Variants in PI4KA observed in about 807,000 individuals in gnomAD.
PI4KA encodes the protein PI4-kinase alpha.
Under a neutral mutation model 271.4 loss-of-function variants are expected in PI4KA, and 122 were observed. That is an observed-to-expected ratio of 0.45 (90% confidence interval 0.39 to 0.52). PI4KA has a LOEUF of 0.52. PI4KA is among the 20% of genes least tolerant of loss of function. PI4KA has a pLI of 0.00. For synonymous variants in PI4KA, 1,041 were observed against 1,078.8 expected (o/e 0.96, Z 0.69); for missense variants, 1,969 against 2,769.1 (o/e 0.71, Z 6.48).
intron 19 of PI4KA, among the ~76,000 whole-genome samples, chr22:20,772,112 ATAAAT>A (rs1013233260): frequency 3.9e-5 from 6 of 152,254 alleles, no homozygotes; most frequent in African/African-American, 1.4e-4. Context: ...AATTAATGAG[ATAAAT>A]TAATGTATCT....
chr22:20,775,069 T>C (rs1933157240), intron 19 of PI4KA, among the ~76,000 whole-genome samples: 1 of 152,204 alleles, frequency 6.6e-6, no homozygotes, highest in Admixed American at 6.5e-5. Context: ...CTGCCTGCTC[T>C]GTTGGGCCTG....
intron 19 of PI4KA, chr22:20,783,929 A>C (rs1219728189): frequency 4.3e-6 from 7 of 1,613,718 alleles, no homozygotes; most frequent in Middle Eastern, 1.7e-4. Context: ...CGATTTCCCT[A>C]AAGGAACCTT....
Position 20,803,933 on chromosome 22 carries a change from G to A in PI4KA, c.1461+367C>T, listed in dbSNP as rs900655196. Among the ~76,000 whole-genome samples, 11 of 152,248 alleles carry A rather than the reference G, an allele frequency of 7.2e-5. No homozygotes were observed. The East Asian group carries it at 1.9e-3, about 27-fold the overall frequency. On this transcript the variant is annotated intron_variant, in intron 12 of 54. Transcript: ENST00000255882. ...TGTGGAGTCAGTGGGATTGTGACAA[G>A]GTTAAGAGTCTCGGCAGAGCAGAGC... is the stretch of plus-strand genomic sequence containing the variant.
intron 53 of PI4KA, 115 bp from the exon 54 acceptor site, chr22:20,709,494 A>G (rs1924968160): frequency 6.7e-6 from 5 of 746,762 alleles, no homozygotes; most frequent in Non-Finnish European, 1.2e-5. Flanking sequence ...CGCCCTGGAA[A>G]TGTACCTTTG....
chr22:20,765,734 T>C (rs1294317209), intron 19 of PI4KA, 41 bp from the exon 20 acceptor site: 1 of 1,340,458 alleles, frequency 7.5e-7, no homozygotes, highest in South Asian at 1.2e-5. Context: ...GGTTATTTGC[T>C]GAGGAAACCC....
chr22:20,844,209 A>T (rs561553126), intron 1 of PI4KA, among the ~76,000 whole-genome samples: 1 of 152,310 alleles, frequency 6.6e-6, no homozygotes, highest in African/African-American at 2.4e-5. Flanking sequence ...TGACCTCCTC[A>T]TCACTCCACT....
At chr22:20,799,883 C>A in intron 14 of PI4KA, 117 bp from the exon 15 acceptor site, 1 of 628,354 alleles carries the variant, frequency 1.6e-6, no homozygotes, top group Non-Finnish European at 2.7e-6. Flanking sequence ...GAATTTTCTT[C>A]CCCCCAAATT....
Position 20,761,694 on chromosome 22 carries a change from C to G in PI4KA, c.2709-308G>C, listed in dbSNP as rs540589795. 6.6e-5 allele frequency among the ~76,000 whole-genome samples: 10 copies of G among 152,058 alleles called. 1 individual carries two copies. The highest frequency in any genetic ancestry group is 2.4e-4 in the African/African-American group (10 of 41,304). ...GAATGCTCACCAACAGGAGACTGGGCAGATAAGCCAAAGCATACCCATTCG... is the reference window on the plus strand; with the variant it reads ...GAATGCTCACCAACAGGAGACTGGGGAGATAAGCCAAAGCATACCCATTCG... On this transcript the variant is annotated intron_variant, in intron 22 of 54. Coordinates refer to ENST00000255882, the MANE Select transcript of PI4KA (RefSeq NM_058004.4).
intron 22 of PI4KA, among the ~76,000 whole-genome samples, chr22:20,763,026 G>GGGGGGGT (rs1932153444): frequency 2.9e-5 from 2 of 68,492 alleles, no homozygotes; most frequent in Non-Finnish European, 5.0e-5. Flanking sequence ...TTGGGGGGGG[G>GGGGGGGT]GGGGGTTAGA....
chr22:20,718,236 C>T (rs543275380), intron 44 of PI4KA, among the ~76,000 whole-genome samples: 2 of 152,306 alleles, frequency 1.3e-5, no homozygotes, highest in Admixed American at 1.3e-4. Context: ...GGGTTTCATC[C>T]CTTATGAATG....
Position 20,718,787 on chromosome 22 carries a change from C to T in PI4KA, c.5152G>A (p.Glu1718Lys). Residue 1718 changes from glutamate to lysine, a missense_variant, in exon 44 of 55, where the codon GAG (glutamate) becomes AAG (lysine). Transcript: ENST00000255882. ...GGGCCGGACAAGGAGCCTGTGATCT[C>T]CTCTACCAACTGATCCAGGAGGTCG... The part of the protein sequence containing the change: ...IGDLLDQLVE[E>K]ITGSLSGPAK... 1.2e-6 allele frequency: 2 copies of T among 1,614,022 alleles called. No homozygotes were observed. The highest frequency in any genetic ancestry group is 1.7e-6 in the Non-Finnish European group (2 of 1,179,950).
At position 20,733,095 on chromosome 22, in the gene PI4KA, A is replaced by T; in HGVS notation, c.4164T>A (p.Cys1388Ter). ...IYSTAFDYFS[C>*]PPKFPTQGEK... ...CTCCTTGAGTAGGGAACTTTGGGGG[A>T]CAGCTTCAAACAACCATAAGAGGAC... is the stretch of plus-strand genomic sequence containing the variant. The change falls in exon 36 of 55, where the codon TGT becomes TGA. Residue 1388 changes from cysteine (C) to a stop codon, truncating the protein, a stop_gained. Coordinates refer to ENST00000255882, the MANE Select transcript of PI4KA (RefSeq NM_058004.4). LOFTEE classifies it high-confidence loss of function. 6.2e-7 allele frequency: 1 copy of T among 1,611,920 alleles called. No homozygotes were observed. Among genetic ancestry groups the T allele is most frequent in the Non-Finnish European group, 8.5e-7 (1 of 1,179,814 alleles).
At chr22:20,786,089 C>T (rs777651042) in intron 19 of PI4KA, 14 of 1,614,106 alleles carry the variant, frequency 8.7e-6, no homozygotes, top group Non-Finnish European at 1.1e-5. Context: ...GATCAGGATG[C>T]TGTTTGACAA....
At chr22:20,760,313 T>C (rs4820588) in intron 23 of PI4KA, among the ~76,000 whole-genome samples, 32 of 151,938 alleles carry the variant, frequency 2.1e-4, no homozygotes, top group African/African-American at 7.5e-4. Flanking sequence ...AAAACTTAGG[T>C]CTAACATTTC....
At chr22:20,798,159 C>A (rs144897687) in intron 17 of PI4KA, among the ~76,000 whole-genome samples, 59 of 152,316 alleles carry the variant, frequency 3.9e-4, no homozygotes, top group African/African-American at 1.3e-3. Context: ...GTTAGGCTGT[C>A]AATGCTGCAT....
At position 20,714,077 on chromosome 22, in the gene PI4KA, G is replaced by A. The variant is rs572612065; in HGVS notation, c.5461+381C>T. ...TGGCAACACCACCAGAAGCTGAGGAGGCAAGGTGTGACCTGCCCAGAGCCT... is the reference window on the plus strand; with the variant it reads ...TGGCAACACCACCAGAAGCTGAGGAAGCAAGGTGTGACCTGCCCAGAGCCT... On this transcript the variant is annotated intron_variant, in intron 47 of 54. Coordinates refer to ENST00000255882, the MANE Select transcript of PI4KA (RefSeq NM_058004.4). Among the ~76,000 whole-genome samples the A allele has an allele frequency of 2.6e-5, 4 of 152,320 alleles. No individual in the cohort carries two copies. The South Asian group carries it at 8.3e-4, about 32-fold the overall frequency.
chr22:20,730,696 G>A (rs564680215), intron 36 of PI4KA, among the ~76,000 whole-genome samples: 98 of 151,796 alleles, frequency 6.5e-4, no homozygotes, highest in Middle Eastern at 3.4e-3. Context: ...TCAGCCTCCC[G>A]AATAGCTGGA....
At position 20,744,694 on chromosome 22, in the gene PI4KA, G is replaced by A. The variant is rs1447692250; in HGVS notation, c.3390C>T (p.Ala1130=). The part of the protein sequence containing the change: ...LGATQLSERP[A]CVKKDYSNFM... ...AGTTGGAGTAGTCTTTCTTCACACA[G>A]GCCGGGCGCTCGCTCAGCTGAGTTG... Residue 1130 remains alanine, a synonymous_variant, in exon 30 of 55, where the codon GCC becomes GCT. Coordinates refer to ENST00000255882, the MANE Select transcript of PI4KA (RefSeq NM_058004.4). 6.2e-7 allele frequency: 1 copy of A among 1,614,176 alleles called. No individual in the cohort carries two copies. Among genetic ancestry groups the A allele is most frequent in the South Asian group, 1.1e-5 (1 of 91,082 alleles).
intron 3 of PI4KA, among the ~76,000 whole-genome samples, chr22:20,830,686 G>C (rs1278152579): frequency 6.6e-6 from 1 of 152,110 alleles, no homozygotes; most frequent in East Asian, 1.9e-4. Context: ...TCACCATATT[G>C]TTAGCTGGTT....
Sources: allele counts gnomAD v4.1 joint callset (sites outside exome capture counted in the v4.1 genomes callset), GRCh38; gene constraint gnomAD v4.1.1; transcripts MANE v1.5; gene names NCBI Gene and HGNC (gene_info 2026-07-23, HGNC 2026-07-21).